Variants in ATF6 observed in about 807,000 individuals in gnomAD.
ATF6 encodes cyclic AMP-dependent transcription factor ATF-6 alpha.
ATF6 carries 53 observed loss-of-function variants against 83.6 expected under a neutral mutation model. The observed-to-expected ratio is 0.63, with a 90% CI of 0.51 to 0.80. The LOEUF (loss-of-function observed/expected upper bound fraction) is 0.80. ATF6 is among the 30% of genes least tolerant of loss of function. The pLI is 0.00. For missense variants in ATF6, 744 were observed against 797.9 expected (o/e 0.93, Z 0.81); for synonymous variants, 288 against 285.8 (o/e 1.01, Z -0.08).
At chr1:161,888,872 C>T (rs1207079232) in intron 14 of ATF6, among the ~76,000 whole-genome samples, 1 of 152,106 alleles carries the variant, frequency 6.6e-6, no homozygotes, top group Non-Finnish European at 1.5e-5. Flanking sequence ...CGAGCTGGTC[C>T]ATACCTCTCC....
rs111796652 is a variant in ATF6 at position 161,861,786 on chromosome 1, C to G, written c.1605-1412C>G. On this transcript the variant is annotated intron_variant, in intron 13 of 15. Transcript: ENST00000367942. ...TTAGTCTCAGCTATATAAACAAGGT[C>G]CTTTTCACAGTCCACATTTTTCATA... 9.9e-3 allele frequency among the ~76,000 whole-genome samples: 1,502 copies of G among 152,254 alleles called. 8 individuals carry two copies. The highest frequency in any genetic ancestry group is 0.017 in the South Asian group (83 of 4,826).
At chr1:161,832,585 CA>C (rs1686092583) in intron 9 of ATF6, among the ~76,000 whole-genome samples, 1 of 152,358 alleles carries the variant, frequency 6.6e-6, no homozygotes, top group South Asian at 2.1e-4. Flanking sequence ...ACGGGCTTAA[CA>C]AACAGCACAC....
chr1:161,918,959 C>T (rs918508924), intron 15 of ATF6, among the ~76,000 whole-genome samples: 4 of 152,072 alleles, frequency 2.6e-5, no homozygotes, highest in African/African-American at 4.8e-5. Flanking sequence ...TAAACTGTAA[C>T]GTATTATGAT....
intron 9 of ATF6, among the ~76,000 whole-genome samples, chr1:161,832,720 C>T (rs1000352386): frequency 1.3e-5 from 2 of 152,230 alleles, no homozygotes; most frequent in African/African-American, 4.8e-5. Flanking sequence ...GGGCACCTGC[C>T]ATTGCCCAGG....
chr1:161,791,831 A>G (rs1360684808), intron 5 of ATF6, among the ~76,000 whole-genome samples: 1 of 152,194 alleles, frequency 6.6e-6, no homozygotes, highest in African/African-American at 2.4e-5. Context: ...GAGCTATGAC[A>G]TTTGTTACCT....
chr1:161,772,156 A>G (rs532864235), intron 1 of ATF6, among the ~76,000 whole-genome samples: 1 of 152,080 alleles, frequency 6.6e-6, no homozygotes, highest in South Asian at 2.1e-4. Flanking sequence ...CGTCCCTCTT[A>G]CCCAGTTTAA....
chr1:161,805,733 AT>A (rs1258343380), intron 7 of ATF6, among the ~76,000 whole-genome samples: 1 of 152,170 alleles, frequency 6.6e-6, no homozygotes, highest in African/African-American at 2.4e-5. Flanking sequence ...CTAATTTAAA[AT>A]GATCAAAAAA....
intron 15 of ATF6, among the ~76,000 whole-genome samples, chr1:161,931,888 T>A (rs987931788): frequency 1.3e-5 from 2 of 152,234 alleles, no homozygotes; most frequent in Non-Finnish European, 2.9e-5. Context: ...TGGTTAAATT[T>A]TGGTTTTCTG....
intron 9 of ATF6, among the ~76,000 whole-genome samples, chr1:161,835,197 TACAC>T (rs1006766835): frequency 2.0e-5 from 3 of 152,206 alleles, no homozygotes; most frequent in African/African-American, 7.2e-5. Context: ...GTACTCTAGA[TACAC>T]ACCACCGTAC....
intron 10 of ATF6, among the ~76,000 whole-genome samples, chr1:161,848,446 A>T (rs992879533): frequency 5.3e-5 from 8 of 152,278 alleles, no homozygotes; most frequent in Admixed American, 2.6e-4. Flanking sequence ...CAAATAAAAA[A>T]TGAGTAGATT....
chr1:161,862,041 A>G (rs1168710017), intron 13 of ATF6, among the ~76,000 whole-genome samples: 4 of 152,228 alleles, frequency 2.6e-5, no homozygotes, highest in Non-Finnish European at 5.9e-5. Context: ...AGAAACACAT[A>G]AATAAGGTTA....
intron 9 of ATF6, among the ~76,000 whole-genome samples, chr1:161,834,472 G>T (rs1040417876): frequency 6.6e-6 from 1 of 152,064 alleles, no homozygotes; most frequent in South Asian, 2.1e-4. Flanking sequence ...CATGTCCTTT[G>T]TAGGGACATG....
rs140613490 is a variant in ATF6, at chr1:161,953,929, G to A, written c.1805-4517G>A. 5.9e-5 allele frequency among the ~76,000 whole-genome samples: 9 copies of A among 152,240 alleles called. No homozygotes were observed. The East Asian group carries it at 1.7e-3, about 29-fold the overall frequency. On this transcript the variant is annotated intron_variant, in intron 15 of 15. Coordinates refer to ENST00000367942, the MANE Select transcript of ATF6 (RefSeq NM_007348.4). The stretch of plus-strand genomic sequence containing the variant: ...AATTAAATGGAACATTTATAAATTG[G>A]TTATAAGGGAAAAGATCAATATTGG...
intron 14 of ATF6, among the ~76,000 whole-genome samples, chr1:161,907,890 G>C (rs1687907782): frequency 6.6e-6 from 1 of 152,068 alleles, no homozygotes; most frequent in Non-Finnish European, 1.5e-5. Flanking sequence ...TCCAGTCTTG[G>C]TTACAGTTAC....
At chr1:161,774,782 C>T (rs1317575100) in intron 1 of ATF6, among the ~76,000 whole-genome samples, 1 of 152,182 alleles carries the variant, frequency 6.6e-6, no homozygotes, top group African/African-American at 2.4e-5. Flanking sequence ...CCATCTGTTT[C>T]AATAATGATT....
At chr1:161,797,387 C>G (rs1250077984) in intron 6 of ATF6, among the ~76,000 whole-genome samples, 1 of 152,078 alleles carries the variant, frequency 6.6e-6, no homozygotes, top group Non-Finnish European at 1.5e-5. Flanking sequence ...AACTACCTCT[C>G]TTCACAGACG....
intron 3 of ATF6, among the ~76,000 whole-genome samples, chr1:161,783,307 A>G (rs1684677939): frequency 6.6e-6 from 1 of 152,144 alleles, no homozygotes; most frequent in South Asian, 2.1e-4. Context: ...TGGCAAGATC[A>G]CATTGTAGAA....
intron 15 of ATF6, among the ~76,000 whole-genome samples, chr1:161,950,208 C>A (rs549420653): frequency 1.3e-5 from 2 of 152,268 alleles, no homozygotes; most frequent in South Asian, 2.1e-4. Context: ...AGTATCATTC[C>A]TCTTATCCTT....
rs1689021987 is a variant in ATF6 at position 161,958,781 on chromosome 1, A to G, written c.*127A>G. The G allele has an allele frequency of 2.7e-6, 2 of 745,692 alleles. No homozygotes were observed. Among genetic ancestry groups the G allele is most frequent in the Non-Finnish European group, 4.1e-6 (2 of 482,614 alleles). The allele number at this position is 745,692 out of a possible 1,614,324, so 46.2% of individuals were successfully genotyped here. ...TCTCGTACTAGAATTCAAGGAGGAA[A>G]GAAGAAGAAATAAAAGAAGCTGCTC... On this transcript the variant is annotated 3_prime_UTR_variant, in exon 16 of 16. Coordinates refer to ENST00000367942, the MANE Select transcript of ATF6 (RefSeq NM_007348.4).
Sources: gnomAD v4.1 joint callset for allele counts (sites outside exome capture counted in the v4.1 genomes callset) on GRCh38, gnomAD v4.1.1 for gene constraint, MANE v1.5 for transcripts, NCBI Gene and HGNC (gene_info 2026-07-23, HGNC 2026-07-21) for gene names.